CLN8: variants seen among roughly 807,000 people sequenced by gnomAD.
CLN8 encodes CLN8 transmembrane ER and ERGIC protein, also known as protein CLN8.
A neutral mutation model predicts 15.7 loss-of-function variants in CLN8; 14 were observed. That is an observed-to-expected ratio of 0.89 (90% CI 0.59 to 1.39). CLN8 has a LOEUF of 1.39. Among genes scored for constraint, CLN8 ranks in the 40% most tolerant of loss-of-function variants. CLN8 has a pLI of 0.00. For missense variants in CLN8, 415 were observed against 364.0 expected (o/e 1.14, Z -1.14); for synonymous variants, 188 against 151.0 (o/e 1.25, Z -1.80).
In CLN8 at chr8:1,780,480, C is replaced by T. The variant is rs1801681630; in HGVS notation, c.774C>T (p.Leu258=). 3 of 1,614,220 alleles carry T rather than the reference C, an allele frequency of 1.9e-6. No homozygotes were observed. Among genetic ancestry groups the T allele is most frequent in the Non-Finnish European group, 2.5e-6 (3 of 1,180,050 alleles). ...CCCATAAGAAGACTCAGCAGCTTCT[C>T]AATCCGGTGGACTGGAACTTCGCAC... ...YWTHKKTQQL[L]NPVDWNFAQP... The change falls in exon 3 of 3, where the codon CTC becomes CTT. Residue 258 remains leucine, a synonymous_variant. Coordinates refer to ENST00000331222, the MANE Select transcript of CLN8 (RefSeq NM_018941.4).
chr8:1,778,809 A>G (rs1298278044), intron 2 of CLN8, among the ~76,000 whole-genome samples: 2 of 152,026 alleles, frequency 1.3e-5, no homozygotes, highest in Non-Finnish European at 2.9e-5. Flanking sequence ...CCTCACATTA[A>G]TTTTTTCAGT....
In CLN8 at chr8:1,780,386, A is replaced by T. The variant is rs368561820; in HGVS notation, c.680A>T (p.Tyr227Phe). ...TGGGACGGCCTGGTCAGCAGCCTGTATCTGCCTCATTTGACACTGTTCCTT... is the reference window on the plus strand; with the variant it reads ...TGGGACGGCCTGGTCAGCAGCCTGTTTCTGCCTCATTTGACACTGTTCCTT... ...WHWDGLVSSL[Y>F]LPHLTLFLVG... Residue 227 changes from tyrosine to phenylalanine, a missense_variant, in exon 3 of 3, where the codon TAT (tyrosine) becomes TTT (phenylalanine). Coordinates refer to ENST00000331222, the MANE Select transcript of CLN8 (RefSeq NM_018941.4). 2 of 1,614,126 alleles carry T rather than the reference A, an allele frequency of 1.2e-6. No individual in the cohort carries two copies. The highest frequency in any genetic ancestry group is 1.3e-5 in the African/African-American group (1 of 74,946).
chr8:1,770,910 AAATG>A lies in CLN8; in HGVS notation c.-123-16_-123-13del, dbSNP rs1801270660. The A allele has an allele frequency of 1.3e-6, 1 of 752,764 alleles. No individual in the cohort carries two copies. The highest frequency in any genetic ancestry group is 2.3e-6 in the Non-Finnish European group (1 of 438,788). 46.6% of individuals were successfully genotyped at this position (752,764 alleles called of 1,614,324 possible). The stretch of plus-strand genomic sequence containing the variant: ...TCCTTGTTTCTATCGAGTCAACACA[AAATG>A]AATGATCTTTCTTTTAGATTGAAGA... On this transcript the variant is annotated intron_variant, in intron 1 of 2. Coordinates refer to ENST00000331222, the MANE Select transcript of CLN8 (RefSeq NM_018941.4).
intron 2 of CLN8, among the ~76,000 whole-genome samples, chr8:1,774,272 T>C (rs1159491794): frequency 6.6e-6 from 1 of 152,234 alleles, no homozygotes; most frequent in African/African-American, 2.4e-5. Flanking sequence ...GAGAAAGGGT[T>C]ATTTAAGTAT....
chr8:1,766,085 C>G (rs1046305047), intron 1 of CLN8, among the ~76,000 whole-genome samples: 3 of 152,202 alleles, frequency 2.0e-5, no homozygotes, highest in Admixed American at 1.3e-4. Context: ...TTCCTGGTCA[C>G]ACTGCAGCAA....
At position 1,771,353 on chromosome 8, in the gene CLN8, A is replaced by G; in HGVS notation, c.299A>G (p.Gln100Arg). 1 of 1,614,228 alleles carries G rather than the reference A, an allele frequency of 6.2e-7. No individual in the cohort carries two copies. Among genetic ancestry groups the G allele is most frequent in the Non-Finnish European group, 8.5e-7 (1 of 1,180,044 alleles). The stretch of plus-strand genomic sequence containing the variant: ...CATGCCGACAAGGCGCGTGGCCAGC[A>G]GAACTGGTGCTGGTTTCACATCACG... Reference protein sequence around the residue: ...VLHADKARGQQNWCWFHITTA... With the variant: ...VLHADKARGQRNWCWFHITTA... The change falls in exon 2 of 3, where the codon CAG (glutamine) becomes CGG (arginine). Residue 100 changes from glutamine to arginine, a missense_variant. Physicochemically the swap from Gln to Arg is conservative, Grantham distance 43. Coordinates refer to ENST00000331222, the MANE Select transcript of CLN8 (RefSeq NM_018941.4).
At chr8:1,760,065 A>G (rs1207429384), upstream of CLN8, 2 of 152,088 alleles carry the variant, frequency 1.3e-5, no homozygotes, top group African/African-American at 4.8e-5. Flanking sequence ...TGACACCTCA[A>G]TTAAGTCATT....
At position 1,782,629 on chromosome 8, in the gene CLN8, G is replaced by A. The variant is rs1187667187; in HGVS notation, c.*2062G>A. 6.6e-6 allele frequency: 1 copy of A among 152,190 alleles called. No individual in the cohort carries two copies. Among genetic ancestry groups the A allele is most frequent in the African/African-American group, 2.4e-5 (1 of 41,422 alleles). 9.4% of individuals were successfully genotyped at this position (152,190 alleles called of 1,614,324 possible). A position where few individuals can be genotyped will look rare whatever the true frequency, so the allele number is the denominator to read the frequency against. Reference sequence around the variant, plus strand: ...GCACTCTCTGCAGCCGTGCCCTTGTGGAGTCAGCAGGAGCTGGTGTTTTTC... The same window carrying A: ...GCACTCTCTGCAGCCGTGCCCTTGTAGAGTCAGCAGGAGCTGGTGTTTTTC... On this transcript the variant is annotated 3_prime_UTR_variant, in exon 3 of 3. Coordinates refer to ENST00000331222, the MANE Select transcript of CLN8 (RefSeq NM_018941.4).
chr8:1,768,142 C>A (rs1007139363), intron 1 of CLN8, among the ~76,000 whole-genome samples: 2 of 151,836 alleles, frequency 1.3e-5, no homozygotes, highest in African/African-American at 2.4e-5. Flanking sequence ...CAGGGTTTTG[C>A]CGTGTTGGCC....
intron 1 of CLN8, among the ~76,000 whole-genome samples, chr8:1,770,689 G>T (rs1018048886): frequency 2.6e-5 from 4 of 152,160 alleles, no homozygotes; most frequent in African/African-American, 9.7e-5. Context: ...GCATAGGACC[G>T]TGTGTTCCTG....
At chr8:1,780,164 T>G (rs1320295511) in intron 2 of CLN8, 86 bp from the exon 3 acceptor site, 1 of 1,610,296 alleles carries the variant, frequency 6.2e-7, no homozygotes, top group East Asian at 2.2e-5. Flanking sequence ...GTTTGGTAAG[T>G]AAGGTAGCAA....
intron 2 of CLN8, 182 bp from the exon 3 acceptor site, chr8:1,780,068 A>T (rs1160391517): frequency 1.0e-6 from 1 of 985,364 alleles, no homozygotes; most frequent in Non-Finnish European, 1.2e-6. Flanking sequence ...GCGCCCACAG[A>T]GCTGGTGGCC....
In CLN8 at chr8:1,778,053, T is replaced by A. The variant is rs1801583267; in HGVS notation, c.544-2197T>A. 2.0e-5 allele frequency among the ~76,000 whole-genome samples: 3 copies of A among 152,222 alleles called. No individual in the cohort carries two copies. The South Asian group carries it at 6.2e-4, about 31-fold the overall frequency. Reference sequence around the variant, plus strand: ...ACCTGGGTGTGGGCCCACCTGGTACTGCCGCTATGGGTCTGAGGGAGGTGT... The same window carrying A: ...ACCTGGGTGTGGGCCCACCTGGTACAGCCGCTATGGGTCTGAGGGAGGTGT... On this transcript the variant is annotated intron_variant, in intron 2 of 2. Transcript: ENST00000331222.
intron 1 of CLN8, among the ~76,000 whole-genome samples, chr8:1,757,128 G>C (rs1317908299): frequency 6.6e-6 from 1 of 152,218 alleles, no homozygotes; most frequent in Admixed American, 6.5e-5. Context: ...TCTCTCTACA[G>C]TTTTAGTTTT....
chr8:1,780,396 T>G lies in CLN8; in HGVS notation c.690T>G (p.His230Gln), dbSNP rs763245814. 6.2e-7 allele frequency: 1 copy of G among 1,614,262 alleles called. No individual in the cohort carries two copies. The highest frequency in any genetic ancestry group is 2.2e-5 in the East Asian group (1 of 44,890). The change falls in exon 3 of 3, where the codon CAT (histidine) becomes CAG (glutamine). Residue 230 changes from histidine to glutamine, a missense_variant. Coordinates refer to ENST00000331222, the MANE Select transcript of CLN8 (RefSeq NM_018941.4). ...DGLVSSLYLP[H>Q]LTLFLVGLAL... ...TGGTCAGCAGCCTGTATCTGCCTCATTTGACACTGTTCCTTGTCGGACTGG... is the reference window on the plus strand; with the variant it reads ...TGGTCAGCAGCCTGTATCTGCCTCAGTTGACACTGTTCCTTGTCGGACTGG...
rs1057522154 is a variant in CLN8 at position 1,771,240 on chromosome 8, C to T, written c.186C>T (p.Val62=). 4 of 1,613,550 alleles carry T rather than the reference C, an allele frequency of 2.5e-6. No homozygotes were observed. In the African/African-American group the frequency reaches 5.3e-5, roughly 22 times the overall value. ...TYRSLVAREK[V]FWDLAATRAV... is the part of the protein sequence containing the mutation. ...GTTCTTTGGTGGCCAGAGAGAAGGT[C>T]TTCTGGGACCTGGCGGCCACGCGTG... Residue 62 remains valine (V), a synonymous_variant, in exon 2 of 3, where the codon GTC becomes GTT. Coordinates refer to ENST00000331222, the MANE Select transcript of CLN8 (RefSeq NM_018941.4).
At chr8:1,773,050 A>G (rs967460859) in intron 2 of CLN8, 2 of 398,110 alleles carry the variant, frequency 5.0e-6, no homozygotes, top group Non-Finnish European at 4.4e-6. Flanking sequence ...CTGTTCATGC[A>G]TAACCACCAT....
At chr8:1,766,602 A>C (rs563287277) in intron 1 of CLN8, among the ~76,000 whole-genome samples, 70 of 151,982 alleles carry the variant, frequency 4.6e-4, no homozygotes, top group South Asian at 3.3e-3. Context: ...CATGTTAGCC[A>C]GGATGGTCTC....
At chr8:1,777,110 C>T (rs1319102004) in intron 2 of CLN8, among the ~76,000 whole-genome samples, 1 of 152,152 alleles carries the variant, frequency 6.6e-6, no homozygotes, top group Non-Finnish European at 1.5e-5. Context: ...ACTCCACACT[C>T]GGCTCTATGC....
Sources: gnomAD v4.1 joint callset for allele counts (sites outside exome capture counted in the v4.1 genomes callset) on GRCh38, gnomAD v4.1.1 for gene constraint, MANE v1.5 for transcripts, NCBI Gene and HGNC (gene_info 2026-07-23, HGNC 2026-07-21) for gene names.